The following UGT1A9 variants were observed in gnomAD, a reference collection of about 807,000 sequenced individuals.
UGT1A9 encodes UDP-glucuronosyltransferase 1A9.
Under a neutral mutation model 45.0 loss-of-function variants are expected in UGT1A9, and 35 were observed. The ratio of observed to expected loss-of-function variants is 0.78; its 90% CI spans 0.59 to 1.03. The LOEUF (loss-of-function observed/expected upper bound fraction) is 1.03, where lower values mean the gene tolerates loss of function less well. Ranked by LOEUF, UGT1A9 falls within the 50% of genes least tolerant of loss-of-function variation. The pLI is 0.00. For missense variants in UGT1A9, 687 were observed against 666.6 expected, an observed-to-expected ratio of 1.03 and a Z score of -0.34; for synonymous variants, 278 against 250.6, an observed-to-expected ratio of 1.11 and a Z score of -1.03.
chr2:233,696,160 A>T (rs912176284), intron 1 of UGT1A9, among the ~76,000 whole-genome samples: 1 of 152,238 alleles, frequency 6.6e-6, no homozygotes, highest in African/African-American at 2.4e-5. Flanking sequence ...TATATCCAAA[A>T]GAAAAAAATA....
intron 1 of UGT1A9, chr2:233,761,011 GTGA>G (rs759864220): frequency 6.2e-7 from 1 of 1,614,156 alleles, no homozygotes; most frequent in Non-Finnish European, 8.5e-7. Context: ...TCAGAGAGAG[GTGA>G]CTGTCCAGGA....
At chr2:233,729,583 C>A (rs1274615489) in intron 1 of UGT1A9, 2 of 1,614,036 alleles carry the variant, frequency 1.2e-6, no homozygotes, top group Non-Finnish European at 1.7e-6. Context: ...TTTAACAGAC[C>A]CCGTTAACCT....
chr2:233,682,261 A>C (rs781510118), intron 1 of UGT1A9: 3 of 1,614,184 alleles, frequency 1.9e-6, no homozygotes, highest in Non-Finnish European at 2.5e-6. Flanking sequence ...CATTTTCTCT[A>C]TTAACAAGTT....
At chr2:233,754,955 G>T in intron 1 of UGT1A9, 1 of 1,314,366 alleles carries the variant, frequency 7.6e-7, no homozygotes, top group Non-Finnish European at 1.0e-6. Context: ...GGTCCCGGCC[G>T]CCAAAGAACT....
At chr2:233,743,713 A>G (rs753029773) in intron 1 of UGT1A9, 5 of 1,367,332 alleles carry the variant, frequency 3.7e-6, no homozygotes, top group South Asian at 2.3e-5. Flanking sequence ...CCGCCTCGCC[A>G]TAGCGGTCAT....
At chr2:233,768,051 T>C in intron 3 of UGT1A9, 115 bp downstream of exon 3, 1 of 1,605,492 alleles carries the variant, frequency 6.2e-7, no homozygotes, top group South Asian at 1.1e-5. Flanking sequence ...CAACATATCC[T>C]ACATTGCTTT....
chr2:233,757,637 C>T (rs375047032), intron 1 of UGT1A9, among the ~76,000 whole-genome samples: 1 of 148,590 alleles, frequency 6.7e-6, no homozygotes, highest in Non-Finnish European at 1.5e-5. Context: ...CAGAACAGAA[C>T]AAAATGCTGT....
chr2:233,689,876 C>G (rs1405417025), intron 1 of UGT1A9: 1 of 456,446 alleles, frequency 2.2e-6, no homozygotes, highest in Non-Finnish European at 4.4e-6. Context: ...TCTTGCTTAT[C>G]AAGTGCCTTA....
At chr2:233,762,893 C>G (rs960157189) in intron 1 of UGT1A9, among the ~76,000 whole-genome samples, 1 of 152,100 alleles carries the variant, frequency 6.6e-6, no homozygotes. Context: ...AATTCCATGC[C>G]AAATATCAGG....
At chr2:233,735,317 G>A (rs1343074609) in intron 1 of UGT1A9, among the ~76,000 whole-genome samples, 2 of 152,024 alleles carry the variant, frequency 1.3e-5, no homozygotes, top group African/African-American at 2.4e-5. Flanking sequence ...TTTTATCAGA[G>A]ACTAGGATTG....
intron 1 of UGT1A9, among the ~76,000 whole-genome samples, chr2:233,748,293 A>G (rs1052851237): frequency 6.6e-6 from 1 of 151,694 alleles, no homozygotes; most frequent in Non-Finnish European, 1.5e-5. Context: ...GCAGACATGA[A>G]TGTTTATCAA....
At chr2:233,729,263 A>C (rs1204549030) in intron 1 of UGT1A9, 7 of 1,614,084 alleles carry the variant, frequency 4.3e-6, no homozygotes. Flanking sequence ...AGCATGCGGG[A>C]GGTCTTGCGG....
At chr2:233,767,649 T>C (rs965947156) in intron 2 of UGT1A9, among the ~76,000 whole-genome samples, 200 bp from the exon 3 acceptor site, 2 of 152,184 alleles carry the variant, frequency 1.3e-5, no homozygotes, top group African/African-American at 4.8e-5. Context: ...ATTCACGTAG[T>C]GCATACACCC....
At chr2:233,729,825 C>A (rs770263678) in intron 1 of UGT1A9, 2 of 1,613,912 alleles carry the variant, frequency 1.2e-6, no homozygotes, top group Non-Finnish European at 1.7e-6. Flanking sequence ...CTTATGCAAG[C>A]CTTGCCTCTG....
intron 1 of UGT1A9, among the ~76,000 whole-genome samples, chr2:233,761,361 C>T (rs1202698678): frequency 6.6e-6 from 1 of 152,198 alleles, no homozygotes; most frequent in African/African-American, 2.4e-5. Context: ...GGAAAGCATT[C>T]CTTGGACATT....
At chr2:233,748,787 G>A (rs988744506) in intron 1 of UGT1A9, among the ~76,000 whole-genome samples, 5 of 151,380 alleles carry the variant, frequency 3.3e-5, no homozygotes, top group Admixed American at 2.6e-4. Flanking sequence ...CTTCTACTTG[G>A]AATGCTGAAA....
At chr2:233,716,173 C>T (rs1298365895) in intron 1 of UGT1A9, among the ~76,000 whole-genome samples, 1 of 152,174 alleles carries the variant, frequency 6.6e-6, no homozygotes. Context: ...AGTGCAGCAT[C>T]TTCAAGTCTC....
At position 233,769,913 on chromosome 2, in the gene UGT1A9, C is replaced by A. The variant is rs1699980310; in HGVS notation, c.1295+1474C>A. The A allele has an allele frequency of 6.7e-6, 2 of 297,578 alleles. No homozygotes were observed. The highest frequency in any genetic ancestry group is 2.1e-5 in the African/African-American group (1 of 46,750). The allele number at this position is 297,578 out of a possible 1,614,324, so 18.4% of individuals were successfully genotyped here. A position where few individuals can be genotyped will look rare whatever the true frequency, so the allele number is the denominator to read the frequency against. On this transcript the variant is annotated intron_variant, in intron 4 of 4. Coordinates refer to ENST00000354728, the MANE Select transcript of UGT1A9 (RefSeq NM_021027.3). This position sits in a 1 kb window ranked among gnomAD's most constrained non-coding sequence, Gnocchi z 4.4. ...TAACCTGAGCATCATGTGCCCAGAG[C>A]GTTGGGTGGTGTGGTCCCATTCCTT... is the stretch of plus-strand genomic sequence containing the variant.
chr2:233,701,652 C>T (rs1426391731), intron 1 of UGT1A9, among the ~76,000 whole-genome samples: 1 of 152,198 alleles, frequency 6.6e-6, no homozygotes. Flanking sequence ...GTCTCTCAGA[C>T]CACAGTGCAA....
Sources: gnomAD v4.1 joint callset for allele counts (sites outside exome capture counted in the v4.1 genomes callset) on GRCh38, gnomAD v4.1.1 for gene constraint, Gnocchi (gnomAD v3.1) non-coding constraint, MANE v1.5 for transcripts, NCBI Gene and HGNC (gene_info 2026-07-23, HGNC 2026-07-21) for gene names.